The following ATP11A variants were observed in gnomAD, a reference collection of about 807,000 sequenced individuals.
The protein encoded by ATP11A is phospholipid-transporting ATPase IH.
Under a neutral mutation model 154.4 loss-of-function variants are expected in ATP11A, and 81 were observed. That is an observed-to-expected ratio of 0.52 (90% CI 0.44 to 0.63). The LOEUF (loss-of-function observed/expected upper bound fraction) is 0.63, where lower values mean the gene tolerates loss of function less well. Among genes scored for constraint, ATP11A ranks in the 30% least tolerant of loss-of-function variants. The pLI, the probability that ATP11A is intolerant of heterozygous loss-of-function variation, is 0.00. For synonymous variants in ATP11A, 623 were observed against 585.9 expected, an observed-to-expected ratio of 1.06 and a Z score of -0.91; for missense variants, 1,316 against 1,474.3, an observed-to-expected ratio of 0.89 and a Z score of 1.76.
intron 7 of ATP11A, among the ~76,000 whole-genome samples, 192 bp downstream of exon 7, chr13:112,819,599 C>T (rs927987581): frequency 1.3e-5 from 2 of 152,012 alleles, no homozygotes; most frequent in Non-Finnish European, 2.9e-5. Flanking sequence ...AGATTTGTAG[C>T]TTTTTATACA....
chr13:112,757,880 G>A (rs963448787), intron 1 of ATP11A, among the ~76,000 whole-genome samples: 1 of 152,214 alleles, frequency 6.6e-6, no homozygotes, highest in Non-Finnish European at 1.5e-5. Context: ...GTTCTGGCAA[G>A]AGTGAGTGGC....
chr13:112,770,596 T>C (rs1287826102), intron 1 of ATP11A, among the ~76,000 whole-genome samples: 1 of 151,806 alleles, frequency 6.6e-6, no homozygotes, highest in African/African-American at 2.4e-5. Context: ...GGGACGAAGG[T>C]GGGAGAGAAC....
In ATP11A at chr13:112,843,118, A is replaced by G. The variant is rs370262222; in HGVS notation, c.1809+739A>G. Among the ~76,000 whole-genome samples the G allele has an allele frequency of 3.9e-4, 58 of 149,062 alleles. 1 individual carries two copies. The South Asian group carries it at 0.011, about 29-fold the overall frequency. ...GAGAGGTCCTAACGCCGAGCGACGC[A>G]TGGTTGGGTGGACGTGCTCTCTCCC... On this transcript the variant is annotated intron_variant, in intron 17 of 29. Transcript: ENST00000375645.
At chr13:112,802,295 G>A (rs1047280550) in intron 2 of ATP11A, among the ~76,000 whole-genome samples, 24 of 152,112 alleles carry the variant, frequency 1.6e-4, no homozygotes, top group Admixed American at 2.6e-4. Context: ...GCGGTGAGCC[G>A]AGATCGCGCC....
chr13:112,824,569 G>A (rs2078884508), intron 10 of ATP11A, 144 bp downstream of exon 10: 2 of 716,274 alleles, frequency 2.8e-6, no homozygotes, highest in East Asian at 2.7e-5. Context: ...CCATTCAGAT[G>A]GTCTTTCTTA....
At chr13:112,821,572 G>C (rs1245455714) in intron 8 of ATP11A, among the ~76,000 whole-genome samples, 1 of 152,162 alleles carries the variant, frequency 6.6e-6, no homozygotes, top group Non-Finnish European at 1.5e-5. Flanking sequence ...CGGCCTCCTA[G>C]AGTATTGGGA....
Position 112,701,774 on chromosome 13 carries a change from A to G in ATP11A, c.39+11319A>G, listed in dbSNP as rs571456319. Among the ~76,000 whole-genome samples the G allele has an allele frequency of 3.9e-5, 6 of 152,146 alleles. No homozygotes were observed. In the East Asian group the frequency reaches 1.2e-3, roughly 30 times the overall value. On this transcript the variant is annotated intron_variant, in intron 1 of 29. Coordinates refer to ENST00000375645, the MANE Select transcript of ATP11A (RefSeq NM_015205.3). ...CGTGAACTGGGGAGGCGGAGCTTGC[A>G]GTGAGAGGAGATCGCGCCACTGCAC...
intron 12 of ATP11A, among the ~76,000 whole-genome samples, chr13:112,828,118 GAAGCGCCCAGCAGCGTTGAGTAGGGGGGA>G (rs2078982500): frequency 8.2e-6 from 1 of 122,388 alleles, no homozygotes; most frequent in African/African-American, 3.2e-5. Context: ...TGAGTGGGGG[GAAGCGCCCAGCAGCGTTGAGTAGGGGGGA>G]AAGCGCCCAG....
At chr13:112,850,774 T>C (rs961304666) in intron 17 of ATP11A, among the ~76,000 whole-genome samples, 1 of 152,254 alleles carries the variant, frequency 6.6e-6, no homozygotes, top group African/African-American at 2.4e-5. Flanking sequence ...GGCTTTCTAG[T>C]CTGAAAATGC....
intron 1 of ATP11A, among the ~76,000 whole-genome samples, chr13:112,726,223 A>G (rs910308097): frequency 2.0e-5 from 3 of 149,632 alleles, no homozygotes; most frequent in Non-Finnish European, 4.4e-5. Flanking sequence ...GCATGCGTGC[A>G]GGGAGAGGAG....
At chr13:112,796,171 G>A (rs780302159) in intron 2 of ATP11A, among the ~76,000 whole-genome samples, 1 of 152,166 alleles carries the variant, frequency 6.6e-6, no homozygotes, top group African/African-American at 2.4e-5. Context: ...TCTCTACTCT[G>A]TCTCAGTTTG....
At chr13:112,819,646 G>GA (rs373450256) in intron 7 of ATP11A, among the ~76,000 whole-genome samples, 7 of 150,820 alleles carry the variant, frequency 4.6e-5, no homozygotes, top group Admixed American at 6.6e-5. Context: ...ATATTTGTGG[G>GA]AAAAAAAAAG....
chr13:112,804,907 A>G (rs3742228), intron 2 of ATP11A, 50 bp from the exon 3 acceptor site: 152,339 of 1,214,122 alleles, frequency 0.13, 12,586 homozygotes, highest in African/African-American at 0.38. Flanking sequence ...GTAACACTAC[A>G]AGAGTAAAAT....
intron 6 of ATP11A, among the ~76,000 whole-genome samples, chr13:112,816,667 C>T (rs761126415): frequency 6.6e-6 from 1 of 152,134 alleles, no homozygotes; most frequent in Non-Finnish European, 1.5e-5. Flanking sequence ...TCGTGTTGTA[C>T]GTTGGGTTTT....
At chr13:112,733,759 G>T (rs1033805890) in intron 1 of ATP11A, among the ~76,000 whole-genome samples, 1 of 152,088 alleles carries the variant, frequency 6.6e-6, no homozygotes, top group Non-Finnish European at 1.5e-5. Context: ...AATATATTAA[G>T]TTTATCCTAT....
At chr13:112,824,580 T>C (rs2078884743) in intron 10 of ATP11A, among the ~76,000 whole-genome samples, 155 bp downstream of exon 10, 1 of 152,202 alleles carries the variant, frequency 6.6e-6, no homozygotes, top group African/African-American at 2.4e-5. Context: ...GTCTTTCTTA[T>C]TTTGTGGTGA....
Position 112,875,327 on chromosome 13 carries a change from C to T in ATP11A, c.3162-449C>T, listed in dbSNP as rs2080685834. Among the ~76,000 whole-genome samples the T allele has an allele frequency of 6.6e-6, 1 of 152,184 alleles. No individual in the cohort carries two copies. The highest frequency in any genetic ancestry group is 2.1e-4 in the South Asian group (1 of 4,822). On this transcript the variant is annotated intron_variant, in intron 27 of 29. Transcript: ENST00000375645. This position sits in a 1 kb window ranked among gnomAD's most constrained non-coding sequence, Gnocchi z 4.1. Reference sequence around the variant, plus strand: ...TCACTGGTCCCTGCATCCTTGCCAGCCTCCCTCATGGAGGCTGACGCAGAC... The same window carrying T: ...TCACTGGTCCCTGCATCCTTGCCAGTCTCCCTCATGGAGGCTGACGCAGAC...
Position 112,730,555 on chromosome 13 carries a change from GA to G in ATP11A, c.39+40103del, listed in dbSNP as rs1238971238. Among the ~76,000 whole-genome samples, 3 of 152,340 alleles carry G rather than the reference GA, an allele frequency of 2.0e-5. No homozygotes were observed. In the East Asian group the frequency reaches 5.8e-4, roughly 29 times the overall value. On this transcript the variant is annotated intron_variant, in intron 1 of 29. Transcript: ENST00000375645. ...CATGGGACACACAGCCGCTTCCCAG[GA>G]AACTCCACAGCGTGAGCACCGGGTG...
chr13:112,725,282 A>G (rs549624572), intron 1 of ATP11A, among the ~76,000 whole-genome samples: 6 of 152,216 alleles, frequency 3.9e-5, no homozygotes, highest in African/African-American at 1.4e-4. Flanking sequence ...GTGAATCCCA[A>G]ATGCTTTGGG....
Sources: allele counts gnomAD v4.1 joint callset (sites outside exome capture counted in the v4.1 genomes callset), GRCh38; gene constraint gnomAD v4.1.1; non-coding constraint Gnocchi (gnomAD v3.1); transcripts MANE v1.5; gene names NCBI Gene and HGNC (gene_info 2026-07-23, HGNC 2026-07-21).